ALCAM: variants seen among roughly 807,000 people sequenced by gnomAD.
ALCAM encodes activated leukocyte cell adhesion molecule.
In ALCAM, 30 loss-of-function variants were observed where a neutral mutation model predicts 70.9. That is an observed-to-expected ratio of 0.42 (90% CI 0.32 to 0.57). ALCAM has a LOEUF of 0.57. Ranked by LOEUF, ALCAM falls within the 20% of genes least tolerant of loss-of-function variation. ALCAM has a pLI of 0.11. For synonymous variants in ALCAM, 249 were observed against 242.5 expected (o/e 1.03, Z -0.25); for missense variants, 591 against 695.1 (o/e 0.85, Z 1.68).
chr3:105,435,777 G>T (rs1374841921), intron 1 of ALCAM, among the ~76,000 whole-genome samples: 6 of 151,318 alleles, frequency 4.0e-5, no homozygotes, highest in African/African-American at 1.5e-4. Context: ...AGAAAAAGAG[G>T]TTTTTTTTTG....
At chr3:105,528,925 A>ATCAT (rs1238284412) in intron 3 of ALCAM, among the ~76,000 whole-genome samples, 2 of 152,238 alleles carry the variant, frequency 1.3e-5, no homozygotes, top group Non-Finnish European at 2.9e-5. Context: ...AGCATTATAT[A>ATCAT]TCATTGTTCA....
At chr3:105,486,502 A>T (rs1311397877) in intron 1 of ALCAM, among the ~76,000 whole-genome samples, 2 of 152,128 alleles carry the variant, frequency 1.3e-5, no homozygotes, top group African/African-American at 4.8e-5. Context: ...AATTTTTCTT[A>T]AAGGAGGAGA....
intron 5 of ALCAM, among the ~76,000 whole-genome samples, chr3:105,534,317 C>T (rs1045371444): frequency 1.3e-5 from 2 of 152,140 alleles, no homozygotes; most frequent in African/African-American, 4.8e-5. Context: ...TGAGCTATGA[C>T]TCTTATGCTC....
chr3:105,485,762 A>G (rs960937936), intron 1 of ALCAM, among the ~76,000 whole-genome samples: 1 of 152,046 alleles, frequency 6.6e-6, no homozygotes, highest in Non-Finnish European at 1.5e-5. Context: ...TTTTCTGCCT[A>G]GTATTTGATT....
intron 11 of ALCAM, 52 bp from the exon 12 acceptor site, chr3:105,550,075 G>A: frequency 6.7e-7 from 1 of 1,497,668 alleles, no homozygotes; most frequent in Non-Finnish European, 9.2e-7. Context: ...TCTTTCCTAT[G>A]CTTTTTAATC....
In ALCAM at chr3:105,367,259, G is replaced by T. The variant is rs1009017154; in HGVS notation, c.-150G>T. On this transcript the variant is annotated 5_prime_UTR_variant, in exon 1 of 16. Coordinates refer to ENST00000306107, the MANE Select transcript of ALCAM (RefSeq NM_001627.4). ...TTGCGTGCGGCAGAGAACCGAAGGT[G>T]CAGCGCCACAGCCCAGGGGACGGTG... 3 of 698,220 alleles carry T rather than the reference G, an allele frequency of 4.3e-6. No homozygotes were observed. In the East Asian group the frequency reaches 8.3e-5, roughly 19 times the overall value. 43.3% of individuals were successfully genotyped at this position (698,220 alleles called of 1,614,324 possible). A position where few individuals can be genotyped will look rare whatever the true frequency, so the allele number is the denominator to read the frequency against.
At chr3:105,431,144 A>C (rs1936922089) in intron 1 of ALCAM, among the ~76,000 whole-genome samples, 1 of 147,770 alleles carries the variant, frequency 6.8e-6, no homozygotes, top group Non-Finnish European at 1.5e-5. Context: ...CTTCGAAACA[A>C]AAAAAAAAAA....
chr3:105,506,201 T>C (rs1239808296), intron 1 of ALCAM, among the ~76,000 whole-genome samples: 1 of 152,228 alleles, frequency 6.6e-6, no homozygotes, highest in Non-Finnish European at 1.5e-5. Context: ...TATTTGCATG[T>C]TGAGGCTTCC....
chr3:105,573,017 A>G (rs1044398760), intron 15 of ALCAM, among the ~76,000 whole-genome samples: 2 of 152,202 alleles, frequency 1.3e-5, no homozygotes, highest in African/African-American at 2.4e-5. Context: ...TATGAAAATA[A>G]TTTTAAAATA....
intron 1 of ALCAM, among the ~76,000 whole-genome samples, chr3:105,459,185 A>G (rs1576177251): frequency 6.6e-6 from 1 of 152,128 alleles, no homozygotes; most frequent in Admixed American, 6.5e-5. Flanking sequence ...CATATTTCCA[A>G]TTGTTTGCAT....
chr3:105,442,330 A>G (rs1317363978), intron 1 of ALCAM, among the ~76,000 whole-genome samples: 2 of 152,352 alleles, frequency 1.3e-5, no homozygotes, highest in East Asian at 3.9e-4. Context: ...TTAACGCATT[A>G]CAGGATGTTA....
chr3:105,496,822 A>G (rs370435266), intron 1 of ALCAM, among the ~76,000 whole-genome samples: 3 of 127,510 alleles, frequency 2.4e-5, no homozygotes, highest in Admixed American at 1.5e-4. Context: ...TGATAGTCCA[A>G]TTGAGGTGTG....
intron 1 of ALCAM, among the ~76,000 whole-genome samples, chr3:105,378,410 C>T (rs1935431008): frequency 6.6e-6 from 1 of 151,888 alleles, no homozygotes; most frequent in African/African-American, 2.4e-5. Context: ...CAAGCATTTT[C>T]CCTACCTGGT....
At chr3:105,401,049 C>G (rs1328555524) in intron 1 of ALCAM, among the ~76,000 whole-genome samples, 1 of 152,154 alleles carries the variant, frequency 6.6e-6, no homozygotes, top group Non-Finnish European at 1.5e-5. Context: ...GAAAAGCAAA[C>G]AAACTCTGGA....
chr3:105,398,036 C>T (rs569118015), intron 1 of ALCAM, among the ~76,000 whole-genome samples: 2 of 152,074 alleles, frequency 1.3e-5, no homozygotes, highest in African/African-American at 2.4e-5. Flanking sequence ...TAAACTTGCA[C>T]GTGCCTCTCA....
chr3:105,470,738 T>C (rs1325768923), intron 1 of ALCAM, among the ~76,000 whole-genome samples: 1 of 151,268 alleles, frequency 6.6e-6, no homozygotes, highest in South Asian at 2.1e-4. Flanking sequence ...TAATAATTGA[T>C]ATTTATAATG....
At position 105,367,210 on chromosome 3, in the gene ALCAM, T is replaced by C. The variant is rs1363852779; in HGVS notation, c.-199T>C. 3 of 533,064 alleles carry C rather than the reference T, an allele frequency of 5.6e-6. No homozygotes were observed. Among genetic ancestry groups the C allele is most frequent in the East Asian group, 3.3e-5 (1 of 30,484 alleles). 33.0% of individuals were successfully genotyped at this position (533,064 alleles called of 1,614,324 possible). A position where few individuals can be genotyped will look rare whatever the true frequency, so the allele number is the denominator to read the frequency against. On this transcript the variant is annotated 5_prime_UTR_variant, in exon 1 of 16. Coordinates refer to ENST00000306107, the MANE Select transcript of ALCAM (RefSeq NM_001627.4). ...GGTGTTGACCGGGAGGGAGGAGGAG[T>C]TGGGGGCATTGCGTGGTGGAAAGTT...
At chr3:105,490,610 T>A (rs1170184862) in intron 1 of ALCAM, among the ~76,000 whole-genome samples, 2 of 152,104 alleles carry the variant, frequency 1.3e-5, no homozygotes, top group Non-Finnish European at 2.9e-5. Flanking sequence ...TGTTATAGAT[T>A]AGGATTTAGG....
At chr3:105,568,460 C>G (rs1940792963) in intron 14 of ALCAM, among the ~76,000 whole-genome samples, 1 of 152,110 alleles carries the variant, frequency 6.6e-6, no homozygotes, top group Admixed American at 6.5e-5. Context: ...GATGTGTTTG[C>G]TAAGCACTTC....
Sources: allele counts gnomAD v4.1 joint callset (sites outside exome capture counted in the v4.1 genomes callset), GRCh38; gene constraint gnomAD v4.1.1; transcripts MANE v1.5; gene names NCBI Gene and HGNC (gene_info 2026-07-23, HGNC 2026-07-21).